The following KCNN3 variants were observed in gnomAD, a reference collection of about 807,000 sequenced individuals.
KCNN3 encodes the protein potassium calcium-activated channel subfamily N member 3, also known as small conductance calcium-activated potassium channel protein 3.
In KCNN3, 16 loss-of-function variants were observed where a neutral mutation model predicts 62.9. That is an observed-to-expected ratio of 0.25 (90% CI 0.17 to 0.39). KCNN3 has a LOEUF of 0.39. Ranked by LOEUF, KCNN3 falls within the 10% of genes least tolerant of loss-of-function variation. The pLI is 1.00. For synonymous variants in KCNN3, 370 were observed against 389.2 expected, an observed-to-expected ratio of 0.95 and a Z score of 0.58; for missense variants, 599 against 949.4, an observed-to-expected ratio of 0.63 and a Z score of 4.85.
At chr1:154,787,549 A>G (rs1305411099) in intron 2 of KCNN3, among the ~76,000 whole-genome samples, 1 of 152,188 alleles carries the variant, frequency 6.6e-6, no homozygotes, top group African/African-American at 2.4e-5. Context: ...AGATATGGCT[A>G]TGGAGAGGGC....
rs1325512505 is a variant in KCNN3 at position 154,709,972 on chromosome 1, A to AATC, written c.1900-1703_1900-1701dup. Among the ~76,000 whole-genome samples the AATC allele has an allele frequency of 5.3e-5, 8 of 152,342 alleles. No individual in the cohort carries two copies. The East Asian group carries it at 1.5e-3, about 29-fold the overall frequency. ...TCTTGGTTTCCTCATCTATATTGATAATCAGAACTACCAATTGCAAAACCT... is the reference window on the plus strand; with the variant it reads ...TCTTGGTTTCCTCATCTATATTGATAATCATCAGAACTACCAATTGCAAAACCT... On this transcript the variant is annotated intron_variant, in intron 7 of 7. Coordinates refer to ENST00000271915, the MANE Select transcript of KCNN3 (RefSeq NM_002249.6).
chr1:154,865,287 T>C (rs1197117600), intron 1 of KCNN3, among the ~76,000 whole-genome samples: 2 of 151,634 alleles, frequency 1.3e-5, no homozygotes, highest in African/African-American at 4.9e-5. Context: ...ATTAAGATTC[T>C]CAACAGAATC....
intron 2 of KCNN3, among the ~76,000 whole-genome samples, chr1:154,813,347 G>A (rs2101886157): frequency 6.6e-6 from 1 of 152,138 alleles, no homozygotes; most frequent in South Asian, 2.1e-4. Flanking sequence ...CATGGCCTAG[G>A]GCGAGGACAA....
At chr1:154,722,217 A>G (rs1700365471) in intron 5 of KCNN3, among the ~76,000 whole-genome samples, 1 of 152,076 alleles carries the variant, frequency 6.6e-6, no homozygotes, top group Admixed American at 6.6e-5. Context: ...CGTTTTGCGT[A>G]GGTCTTTGAA....
At chr1:154,838,986 A>G (rs1212408947) in intron 1 of KCNN3, among the ~76,000 whole-genome samples, 2 of 152,166 alleles carry the variant, frequency 1.3e-5, no homozygotes, top group Admixed American at 6.5e-5. Flanking sequence ...CACTCAGGAC[A>G]TCTCTAACCG....
chr1:154,728,404 T>A (rs1700514243), intron 4 of KCNN3, among the ~76,000 whole-genome samples: 1 of 152,202 alleles, frequency 6.6e-6, no homozygotes, highest in Admixed American at 6.5e-5. Context: ...CTCAGCTTCA[T>A]TTTTCCATTG....
At chr1:154,748,211 T>G (rs1234779972) in intron 3 of KCNN3, among the ~76,000 whole-genome samples, 1 of 152,094 alleles carries the variant, frequency 6.6e-6, no homozygotes, top group East Asian at 1.9e-4. Context: ...CCATTCTGGG[T>G]CTCTGCTTGC....
chr1:154,799,768 T>C (rs1389626930), intron 2 of KCNN3, among the ~76,000 whole-genome samples: 3 of 152,186 alleles, frequency 2.0e-5, no homozygotes, highest in Non-Finnish European at 4.4e-5. Flanking sequence ...AGCTTCTTGG[T>C]CAGCATGGTG....
chr1:154,868,154 G>A (rs1341197400), intron 1 of KCNN3: 2 of 985,446 alleles, frequency 2.0e-6, no homozygotes, highest in African/African-American at 1.7e-5. Flanking sequence ...GAGCTGGGGC[G>A]CGGGCTTGTG....
chr1:154,714,542 G>T lies in KCNN3; in HGVS notation c.1829+334C>A, dbSNP rs1258191798. 4.7e-3 allele frequency among the ~76,000 whole-genome samples: 308 copies of T among 64,960 alleles called. 3 individuals carry two copies. Among genetic ancestry groups the T allele is most frequent in the African/African-American group, 0.017 (273 of 16,476 alleles). 42.6% of individuals were successfully genotyped at this position (64,960 alleles called of 152,430 possible). ...GTGGTGTTTGTGTGTGGTGTGTGTG[G>T]GGTGTGTGTGTGTGGTGTGTGTGTG... On this transcript the variant is annotated intron_variant, in intron 6 of 7. Coordinates refer to ENST00000271915, the MANE Select transcript of KCNN3 (RefSeq NM_002249.6).
intron 2 of KCNN3, among the ~76,000 whole-genome samples, chr1:154,781,226 A>C (rs1649034550): frequency 6.6e-6 from 1 of 152,178 alleles, no homozygotes; most frequent in African/African-American, 2.4e-5. Context: ...AAAGAAAGCC[A>C]AGTTTCGGCA....
At chr1:154,863,310 T>C (rs1652834230) in intron 1 of KCNN3, among the ~76,000 whole-genome samples, 2 of 152,204 alleles carry the variant, frequency 1.3e-5, no homozygotes. Context: ...TTTTCCTCCC[T>C]ACAGCTCCTG....
chr1:154,715,140 T>A, intron 5 of KCNN3, 137 bp from the exon 6 acceptor site: 2 of 1,114,928 alleles, frequency 1.8e-6, no homozygotes, highest in Non-Finnish European at 2.6e-6. Context: ...ACGGAACTCC[T>A]AGAAAAGATG....
At chr1:154,730,306 G>A (rs979948022) in intron 4 of KCNN3, among the ~76,000 whole-genome samples, 2 of 152,180 alleles carry the variant, frequency 1.3e-5, no homozygotes, top group African/African-American at 4.8e-5. Flanking sequence ...CATTGTTACT[G>A]GGATTGCCAA....
chr1:154,814,502 G>A (rs1442166057), intron 2 of KCNN3, among the ~76,000 whole-genome samples: 1 of 152,206 alleles, frequency 6.6e-6, no homozygotes, highest in East Asian at 1.9e-4. Flanking sequence ...TCCTAGAAGG[G>A]GCACCCTGGG....
chr1:154,847,207 C>G (rs541559590), intron 1 of KCNN3, among the ~76,000 whole-genome samples: 1 of 151,884 alleles, frequency 6.6e-6, no homozygotes, highest in Admixed American at 6.6e-5. Flanking sequence ...CCTCACTACC[C>G]CCCCCTGCCC....
chr1:154,740,048 T>C (rs911457152), intron 3 of KCNN3, among the ~76,000 whole-genome samples: 16 of 152,260 alleles, frequency 1.1e-4, no homozygotes, highest in African/African-American at 3.9e-4. Flanking sequence ...CAAGTTGTTA[T>C]GTAGCAACAG....
At chr1:154,777,755 C>T (rs1403363233) in intron 2 of KCNN3, among the ~76,000 whole-genome samples, 1 of 152,166 alleles carries the variant, frequency 6.6e-6, no homozygotes, top group Non-Finnish European at 1.5e-5. Context: ...CTGATGGATT[C>T]TGGAGAAGTA....
chr1:154,864,499 G>A (rs1162762281), intron 1 of KCNN3, among the ~76,000 whole-genome samples: 1 of 152,250 alleles, frequency 6.6e-6, no homozygotes, highest in Non-Finnish European at 1.5e-5. Flanking sequence ...ATGGACTCAG[G>A]GACCTCTGTG....
Sources: gnomAD v4.1 joint callset for allele counts (sites outside exome capture counted in the v4.1 genomes callset) on GRCh38, gnomAD v4.1.1 for gene constraint, MANE v1.5 for transcripts, NCBI Gene and HGNC (gene_info 2026-07-23, HGNC 2026-07-21) for gene names.